ZNF280D: variants seen among roughly 807,000 people sequenced by gnomAD.
ZNF280D encodes zinc finger protein 280D.
In ZNF280D, 39 loss-of-function variants were observed where a neutral mutation model predicts 94.7. The ratio of observed to expected loss-of-function variants is 0.41; its 90% confidence interval spans 0.32 to 0.54. The LOEUF (loss-of-function observed/expected upper bound fraction) is 0.54. Among genes scored for constraint, ZNF280D ranks in the 20% least tolerant of loss-of-function variants. The pLI is 0.22. For synonymous variants in ZNF280D, 398 were observed against 377.6 expected, an observed-to-expected ratio of 1.05 and a Z score of -0.63; for missense variants, 1,090 against 1,149.3, an observed-to-expected ratio of 0.95 and a Z score of 0.75.
Position 56,634,983 on chromosome 15 carries a change from A to G in ZNF280D, c.2315+212T>C, listed in dbSNP as rs995764875. Among the ~76,000 whole-genome samples the G allele has an allele frequency of 7.0e-4, 106 of 152,224 alleles. 1 individual carries two copies. The highest frequency in any genetic ancestry group is 2.4e-3 in the African/African-American group (100 of 41,588). The stretch of plus-strand genomic sequence containing the variant: ...AATTTAACAACATAAAATATGCTCT[A>G]TATGTTTAAAAGATTTAAAAACAAA... On this transcript the variant is annotated intron_variant, in intron 21 of 21. Transcript: ENST00000267807.
At chr15:56,677,955 G>C (rs775044007) in intron 11 of ZNF280D, among the ~76,000 whole-genome samples, 5 of 151,280 alleles carry the variant, frequency 3.3e-5, no homozygotes, top group Non-Finnish European at 7.4e-5. Context: ...TTAAGAGGCA[G>C]ATCTGAGATT....
In ZNF280D at chr15:56,701,014, T is replaced by C; in HGVS notation, c.300A>G (p.Pro100=). The C allele has an allele frequency of 6.2e-7, 1 of 1,613,974 alleles. No homozygotes were observed. Residue 100 remains proline (P), a synonymous_variant, in exon 6 of 22, where the codon CCA becomes CCG. Transcript: ENST00000267807. The stretch of plus-strand genomic sequence containing the variant: ...GAAAATTTATTGGTGAGGCAGGCAC[T>C]GGATTTGATGTTGGATTCGTGTAGT... ...SQHYTNPTSN[P]VPASPINFHP...
intron 9 of ZNF280D, among the ~76,000 whole-genome samples, chr15:56,686,382 G>A (rs1384674594): frequency 2.0e-5 from 3 of 152,128 alleles, no homozygotes; most frequent in African/African-American, 7.2e-5. Context: ...CAGGTGATCT[G>A]CTGGCCTCGG....
intron 13 of ZNF280D, among the ~76,000 whole-genome samples, chr15:56,671,884 G>C (rs1424667794): frequency 3.4e-5 from 5 of 149,108 alleles, no homozygotes; most frequent in African/African-American, 1.2e-4. Context: ...TCTCACTGCA[G>C]AGATCATTCA....
intron 10 of ZNF280D, among the ~76,000 whole-genome samples, chr15:56,680,499 G>C (rs773021662): frequency 4.6e-5 from 7 of 152,034 alleles, no homozygotes; most frequent in Non-Finnish European, 8.8e-5. Flanking sequence ...TTTATTTTGA[G>C]ACCATCTCGT....
In ZNF280D at chr15:56,631,576, T is replaced by G. The variant is rs774082234; in HGVS notation, c.2862A>C (p.Thr954=). The G allele has an allele frequency of 1.9e-6, 3 of 1,614,154 alleles. No individual in the cohort carries two copies. The Admixed American group carries it at 5.0e-5, about 27-fold the overall frequency. The change falls in exon 22 of 22, where the codon ACA becomes ACC. Residue 954 remains threonine (T), a synonymous_variant. Coordinates refer to ENST00000267807, the MANE Select transcript of ZNF280D (RefSeq NM_017661.4). ...GGTTATTTCCTCCAGGAATGTCATC[T>G]GTTTGATCAGACACTACTTCATCAG... The part of the protein sequence containing the change: ...AKTDEVVSDQ[T]DDIPGGNNPS...
intron 1 of ZNF280D, among the ~76,000 whole-genome samples, chr15:56,718,698 A>G (rs2058177707): frequency 6.6e-6 from 1 of 152,220 alleles, no homozygotes; most frequent in African/African-American, 2.4e-5. Context: ...TCTAGGTTGC[A>G]AACCACTTGC....
Position 56,677,445 on chromosome 15 carries a change from C to G in ZNF280D, c.1263+129G>C. The G allele has an allele frequency of 4.9e-6, 3 of 615,296 alleles. No individual in the cohort carries two copies. In the South Asian group the frequency reaches 5.0e-5, roughly 10 times the overall value. The allele number at this position is 615,296 out of a possible 1,614,324, so 38.1% of individuals were successfully genotyped here. ...ACCAAACCCAGCTTGCTGCCTATCC[C>G]TCATATAATGCATAAGTTATGCCAA... On this transcript the variant is annotated intron_variant, in intron 12 of 21. Coordinates refer to ENST00000267807, the MANE Select transcript of ZNF280D (RefSeq NM_017661.4).
chr15:56,657,130 A>G (rs1318306455), intron 17 of ZNF280D, among the ~76,000 whole-genome samples: 3 of 150,296 alleles, frequency 2.0e-5, no homozygotes, highest in East Asian at 3.9e-4. Context: ...CATTTCAAGG[A>G]GCAATGGCAA....
intron 9 of ZNF280D, among the ~76,000 whole-genome samples, chr15:56,685,696 G>C (rs2055957764): frequency 6.6e-6 from 1 of 152,058 alleles, no homozygotes; most frequent in Non-Finnish European, 1.5e-5. Context: ...TAAAGGAATA[G>C]AAGACTAGTG....
intron 19 of ZNF280D, among the ~76,000 whole-genome samples, chr15:56,650,091 T>G (rs536302714): frequency 8.5e-5 from 13 of 152,240 alleles, no homozygotes; most frequent in Non-Finnish European, 1.8e-4. Flanking sequence ...GTGGATTCAG[T>G]GTCTACATTT....
rs368451695 is a variant in ZNF280D at position 56,689,091 on chromosome 15, T to C, written c.730A>G (p.Lys244Glu). 1.2e-6 allele frequency: 2 copies of C among 1,611,188 alleles called. No homozygotes were observed. The highest frequency in any genetic ancestry group is 2.7e-5 in the African/African-American group (2 of 74,836). Residue 244 changes from lysine to glutamate, a missense_variant, in exon 9 of 22, where the codon AAG (lysine) becomes GAG (glutamate). Physicochemically the swap from Lys to Glu is moderately conservative, Grantham distance 56. Coordinates refer to ENST00000267807, the MANE Select transcript of ZNF280D (RefSeq NM_017661.4). The stretch of plus-strand genomic sequence containing the variant: ...AAAAGATTGAAATGAATGTTGCACT[T>C]TGGACAAGCTCTTGGAAAAGGTGTT... ...NGTPFPRACP[K>E]CNIHFNLLDP... is the part of the protein sequence containing the mutation.
chr15:56,679,770 T>C lies in ZNF280D; in HGVS notation c.1005-949A>G, dbSNP rs549824078. 5.3e-5 allele frequency among the ~76,000 whole-genome samples: 8 copies of C among 152,330 alleles called. No homozygotes were observed. The East Asian group carries it at 1.5e-3, about 29-fold the overall frequency. ...ATGTCATCAATCTAGATAGCAATCA[T>C]CATGAAGATTATAATATATACCTCT... On this transcript the variant is annotated intron_variant, in intron 10 of 21. Transcript: ENST00000267807.
chr15:56,631,448 T>C lies in ZNF280D; in HGVS notation c.*50A>G, dbSNP rs375515747. ...CACCACTGAGCTCACCTGATAGCAC[T>C]GTTCCAAATGCCCTTATCGTTGGTA... On this transcript the variant is annotated 3_prime_UTR_variant, in exon 22 of 22. Coordinates refer to ENST00000267807, the MANE Select transcript of ZNF280D (RefSeq NM_017661.4). The C allele has an allele frequency of 4.4e-6, 7 of 1,583,106 alleles. No homozygotes were observed. In the African/African-American group the frequency reaches 5.4e-5, roughly 12 times the overall value.
chr15:56,669,885 A>AT (rs2054589089), intron 13 of ZNF280D, among the ~76,000 whole-genome samples: 1 of 6,938 alleles, frequency 1.4e-4, no homozygotes, highest in Non-Finnish European at 3.3e-4. Context: ...ATATATATAT[A>AT]TATTATATAT....
At chr15:56,690,755 T>G (rs2056378742) in intron 7 of ZNF280D, among the ~76,000 whole-genome samples, 1 of 152,206 alleles carries the variant, frequency 6.6e-6, no homozygotes, top group Admixed American at 6.5e-5. Context: ...AAAGAGATTC[T>G]AAATCTGTAC....
chr15:56,669,925 T>TTA lies in ZNF280D; in HGVS notation c.1411-970_1411-969dup, dbSNP rs1555407540. On this transcript the variant is annotated intron_variant, in intron 13 of 21. Transcript: ENST00000267807. Reference sequence around the variant, plus strand: ...ATAATATATATATATTATATATATATTATATATATATTATATATATATATT... The same window carrying TTA: ...ATAATATATATATATTATATATATATTATATATATATATTATATATATATATT... Among the ~76,000 whole-genome samples the TTA allele has an allele frequency of 5.5e-3, 18 of 3,284 alleles. 5 individuals carry two copies. Among genetic ancestry groups the TTA allele is most frequent in the Admixed American group, 7.8e-3 (2 of 256 alleles). The allele number at this position is 3,284 out of a possible 152,430, so 2.2% of individuals were successfully genotyped here. A position where few individuals can be genotyped will look rare whatever the true frequency, so the allele number is the denominator to read the frequency against.
intron 1 of ZNF280D, among the ~76,000 whole-genome samples, chr15:56,721,679 G>A (rs1170866781): frequency 6.6e-6 from 1 of 152,154 alleles, no homozygotes; most frequent in African/African-American, 2.4e-5. Flanking sequence ...CACTCTCACA[G>A]CCTTCATAGA....
chr15:56,655,765 T>C (rs1244285525), intron 17 of ZNF280D, among the ~76,000 whole-genome samples: 1 of 152,206 alleles, frequency 6.6e-6, no homozygotes, highest in Admixed American at 6.5e-5. Context: ...CCTGTAAAAA[T>C]ACTAAAATGC....
Sources: gnomAD v4.1 joint callset for allele counts (sites outside exome capture counted in the v4.1 genomes callset) on GRCh38, gnomAD v4.1.1 for gene constraint, MANE v1.5 for transcripts, NCBI Gene and HGNC (gene_info 2026-07-23, HGNC 2026-07-21) for gene names.